The following ADGRL3 variants were observed in gnomAD, a reference collection of about 807,000 sequenced individuals.
The protein encoded by ADGRL3 is adhesion G protein-coupled receptor L3, also known as calcium-independent alpha-latrotoxin receptor 3.
Under a neutral mutation model 153.5 loss-of-function variants are expected in ADGRL3, and 62 were observed. That is an observed-to-expected ratio of 0.40 (90% CI 0.33 to 0.50). The LOEUF is 0.50. Among genes scored for constraint, ADGRL3 ranks in the 20% least tolerant of loss-of-function variants. ADGRL3 has a pLI of 0.47. For synonymous variants in ADGRL3, 710 were observed against 672.5 expected, an observed-to-expected ratio of 1.06 and a Z score of -0.86; for missense variants, 1,641 against 1,859.4, an observed-to-expected ratio of 0.88 and a Z score of 2.16.
intron 5 of ADGRL3, among the ~76,000 whole-genome samples, chr4:61,630,592 T>C (rs2093101431): frequency 1.3e-5 from 2 of 152,228 alleles, no homozygotes; most frequent in Non-Finnish European, 2.9e-5. Context: ...CATTGTTAAA[T>C]GATTCTTACT....
At position 61,588,194 on chromosome 4, in the gene ADGRL3, A is replaced by G. The variant is rs185366821; in HGVS notation, c.473+754A>G. ...TTTCTCAGAAATCAGGGATAAAGTCATTCCTTTAGTATAAGCCTACAGCTA... is the reference window on the plus strand; with the variant it reads ...TTTCTCAGAAATCAGGGATAAAGTCGTTCCTTTAGTATAAGCCTACAGCTA... On this transcript the variant is annotated intron_variant, in intron 5 of 26. Transcript: ENST00000683033. Among the ~76,000 whole-genome samples the G allele has an allele frequency of 3.3e-5, 5 of 151,914 alleles. No homozygotes were observed. In the East Asian group the frequency reaches 9.7e-4, roughly 29 times the overall value.
At chr4:61,425,846 T>C (rs900111514) in intron 2 of ADGRL3, among the ~76,000 whole-genome samples, 7 of 152,356 alleles carry the variant, frequency 4.6e-5, no homozygotes, top group African/African-American at 1.4e-4. Context: ...TAGCCAACCA[T>C]CTGCAATGGG....
intron 17 of ADGRL3, among the ~76,000 whole-genome samples, chr4:61,959,680 T>C (rs926393345): frequency 2.9e-4 from 44 of 152,318 alleles, no homozygotes; most frequent in African/African-American, 9.6e-4. Context: ...TGTAAGGCTC[T>C]ACCGTTGAAC....
At chr4:61,742,921 A>G (rs1406318253) in intron 8 of ADGRL3, among the ~76,000 whole-genome samples, 2 of 152,310 alleles carry the variant, frequency 1.3e-5, no homozygotes, top group Admixed American at 1.3e-4. Flanking sequence ...GCATCTATTT[A>G]TACTAGCGAA....
At chr4:61,429,630 T>A (rs2097331280) in intron 2 of ADGRL3, among the ~76,000 whole-genome samples, 1 of 152,146 alleles carries the variant, frequency 6.6e-6, no homozygotes, top group Non-Finnish European at 1.5e-5. Context: ...TAAATTTTCA[T>A]GTACATAATT....
At chr4:61,926,287 C>T (rs548049552) in intron 13 of ADGRL3, among the ~76,000 whole-genome samples, 3 of 152,214 alleles carry the variant, frequency 2.0e-5, no homozygotes, top group Admixed American at 1.3e-4. Flanking sequence ...AGTAGGCAAC[C>T]TGAATTTACT....
At chr4:62,042,311 G>T (rs1294103400) in intron 24 of ADGRL3, among the ~76,000 whole-genome samples, 1 of 151,906 alleles carries the variant, frequency 6.6e-6, no homozygotes, top group African/African-American at 2.4e-5. Context: ...TATAGGAGAT[G>T]TTAGTGACTG....
At chr4:62,046,353 T>C (rs917429980) in intron 25 of ADGRL3, among the ~76,000 whole-genome samples, 1 of 151,952 alleles carries the variant, frequency 6.6e-6, no homozygotes, top group Non-Finnish European at 1.5e-5. Context: ...CAGTAAAAAC[T>C]GCTATGAATG....
At chr4:61,353,539 G>T (rs894112812) in intron 1 of ADGRL3, among the ~76,000 whole-genome samples, 1 of 150,976 alleles carries the variant, frequency 6.6e-6, no homozygotes, top group Non-Finnish European at 1.5e-5. Flanking sequence ...GTTTTAATAG[G>T]TATCCCTTGT....
At chr4:61,545,889 A>G (rs2098711524) in intron 4 of ADGRL3, among the ~76,000 whole-genome samples, 1 of 152,000 alleles carries the variant, frequency 6.6e-6, no homozygotes, top group African/African-American at 2.4e-5. Context: ...ACAAACAAAC[A>G]AACAAACAAA....
chr4:61,432,993 C>A (rs1008294373), intron 2 of ADGRL3, among the ~76,000 whole-genome samples: 1 of 151,896 alleles, frequency 6.6e-6, no homozygotes, highest in Non-Finnish European at 1.5e-5. Context: ...ACTGGCAATT[C>A]TAGATCAAAG....
intron 8 of ADGRL3, among the ~76,000 whole-genome samples, chr4:61,801,034 C>A (rs1196048709): frequency 6.6e-6 from 1 of 152,154 alleles, no homozygotes; most frequent in Non-Finnish European, 1.5e-5. Flanking sequence ...GGTCTACTAG[C>A]TGCATATTTT....
chr4:61,998,274 T>G lies in ADGRL3; in HGVS notation c.3395+9T>G, dbSNP rs762170566. ...TGTCTTGATAACATCAAGTAAGTGA[T>G]TTTTATTTTTGTTTTCTATAGGTTG... On this transcript the variant is annotated intron_variant, in intron 21 of 26. Transcript: ENST00000683033. The G allele has an allele frequency of 2.0e-6, 3 of 1,474,754 alleles. No homozygotes were observed. The South Asian group carries it at 3.8e-5, about 19-fold the overall frequency. The allele number at this position is 1,474,754 out of a possible 1,614,324, so 91.4% of individuals were successfully genotyped here.
chr4:61,990,722 A>T (rs1156409552), intron 19 of ADGRL3, among the ~76,000 whole-genome samples: 1 of 151,950 alleles, frequency 6.6e-6, no homozygotes, highest in East Asian at 1.9e-4. Context: ...TTGAGAATTT[A>T]TAATTATCAA....
intron 1 of ADGRL3, among the ~76,000 whole-genome samples, chr4:61,312,445 G>T (rs2095050074): frequency 6.6e-6 from 1 of 152,052 alleles, no homozygotes; most frequent in African/African-American, 2.4e-5. Context: ...AAAATTAAAA[G>T]CTAGTAATGA....
rs1308712221 is a variant in ADGRL3, at chr4:61,297,660, C to A, written c.-239-85464C>A. 2.6e-5 allele frequency among the ~76,000 whole-genome samples: 4 copies of A among 151,764 alleles called. No homozygotes were observed. The East Asian group carries it at 7.7e-4, about 29-fold the overall frequency. On this transcript the variant is annotated intron_variant, in intron 1 of 26. Transcript: ENST00000683033. ...AGGGATTTTGAATTGGCAGAACTTA[C>A]TAAATTCCCACCTTTTTTTTTTTAA...
chr4:61,309,111 T>G (rs2094907753), intron 1 of ADGRL3, among the ~76,000 whole-genome samples: 1 of 152,218 alleles, frequency 6.6e-6, no homozygotes, highest in Non-Finnish European at 1.5e-5. Context: ...AATATAAAGT[T>G]TTAAATGTTA....
chr4:61,772,498 A>C (rs1364003159), intron 8 of ADGRL3, among the ~76,000 whole-genome samples: 1 of 152,238 alleles, frequency 6.6e-6, no homozygotes, highest in Non-Finnish European at 1.5e-5. Context: ...TAAGTTTTAC[A>C]CGACATGAGA....
chr4:61,993,198 G>GTGTGTGTC, intron 19 of ADGRL3, among the ~76,000 whole-genome samples: 1 of 149,790 alleles, frequency 6.7e-6, no homozygotes, highest in Admixed American at 6.7e-5. Flanking sequence ...GTGTGTGTGT[G>GTGTGTGTC]TGTCTGATCT....
Sources: allele counts gnomAD v4.1 joint callset (sites outside exome capture counted in the v4.1 genomes callset), GRCh38; gene constraint gnomAD v4.1.1; transcripts MANE v1.5; gene names NCBI Gene and HGNC (gene_info 2026-07-23, HGNC 2026-07-21).